SATB2: variants seen among roughly 807,000 people sequenced by gnomAD.
SATB2 encodes the protein SATB homeobox 2, also known as DNA-binding protein SATB2.
A neutral mutation model predicts 73.4 loss-of-function variants in SATB2; 1 was observed. The observed-to-expected ratio is 0.01, with a 90% confidence interval of 0.00 to 0.06. SATB2 has a LOEUF of 0.06. Ranked by LOEUF, SATB2 falls within the 10% of genes least tolerant of loss-of-function variation. SATB2 has a pLI of 1.00. For synonymous variants in SATB2, 397 were observed against 367.0 expected, an observed-to-expected ratio of 1.08 and a Z score of -0.93; for missense variants, 459 against 945.8, an observed-to-expected ratio of 0.49 and a Z score of 6.75.
intron 3 of SATB2, among the ~76,000 whole-genome samples, chr2:199,405,355 A>G (rs1012564122): frequency 2.0e-5 from 3 of 152,220 alleles, no homozygotes; most frequent in Admixed American, 1.3e-4. Flanking sequence ...ACTTGGGGAC[A>G]TGAGACTCCC....
chr2:199,331,631 T>C (rs1377501014), intron 7 of SATB2, among the ~76,000 whole-genome samples: 1 of 152,154 alleles, frequency 6.6e-6, no homozygotes, highest in African/African-American at 2.4e-5. Context: ...AGTTGTTTTG[T>C]TGAGTCTTTT....
chr2:199,465,326 GTATAA>G (rs1692572829), upstream of SATB2, among the ~76,000 whole-genome samples: 1 of 152,226 alleles, frequency 6.6e-6, no homozygotes. Flanking sequence ...CACAATACAA[GTATAA>G]TATAAGGGAG....
chr2:199,269,697 C>CA lies in SATB2; in HGVS notation c.*2513dup, dbSNP rs58333872. On this transcript the variant is annotated 3_prime_UTR_variant, in exon 11 of 11. Coordinates refer to ENST00000417098, the MANE Select transcript of SATB2 (RefSeq NM_001172509.2). ...AACACAATTTGTTTTTTTCATTTCA[C>CA]AAAAAAAAAAAAAGGCGGGAAATTG... is the stretch of plus-strand genomic sequence containing the variant. 0.18 allele frequency: 24,903 copies of CA among 141,288 alleles called. 2,893 individuals are homozygous for CA. Among genetic ancestry groups the CA allele is most frequent in the African/African-American group, 0.32 (12,352 of 38,474 alleles). 8.8% of individuals were successfully genotyped at this position (141,288 alleles called of 1,614,324 possible).
chr2:199,432,896 A>G (rs1004250022), intron 3 of SATB2, among the ~76,000 whole-genome samples: 12 of 152,248 alleles, frequency 7.9e-5, no homozygotes, highest in African/African-American at 2.9e-4. Flanking sequence ...TTTTCAAAGA[A>G]ACAAAAGGAT....
chr2:199,340,100 T>G (rs1264755102), intron 7 of SATB2, among the ~76,000 whole-genome samples: 3 of 152,240 alleles, frequency 2.0e-5, no homozygotes, highest in African/African-American at 7.2e-5. Context: ...TACTGTCAGC[T>G]TTCCTGATAC....
chr2:199,411,563 A>G (rs1690818281), intron 3 of SATB2, among the ~76,000 whole-genome samples: 1 of 152,202 alleles, frequency 6.6e-6, no homozygotes, highest in African/African-American at 2.4e-5. Flanking sequence ...TTACAGATAA[A>G]CTGAAGTTCA....
chr2:199,461,023 G>A (rs905770518), upstream of SATB2, among the ~76,000 whole-genome samples: 8 of 152,112 alleles, frequency 5.3e-5, no homozygotes, highest in African/African-American at 1.7e-4. Flanking sequence ...ATCATGTTAG[G>A]AAAAAGCCTA....
In SATB2 at chr2:199,358,972, TA is replaced by T. The variant is rs561146026; in HGVS notation, c.700+9632del. 2.0e-3 allele frequency among the ~76,000 whole-genome samples: 312 copies of T among 152,312 alleles called. 2 individuals carry two copies. The highest frequency in any genetic ancestry group is 6.8e-3 in the African/African-American group (283 of 41,572). The stretch of plus-strand genomic sequence containing the variant: ...TATTCCTATAACATTCTACATAGGT[TA>T]AAACTGCTTATATCTAATAATATCT... On this transcript the variant is annotated intron_variant, in intron 6 of 10. Transcript: ENST00000417098.
chr2:199,328,569 TAAGAA>T (rs1688097723), intron 8 of SATB2, 124 bp downstream of exon 8: 7 of 654,462 alleles, frequency 1.1e-5, no homozygotes, highest in Admixed American at 6.5e-5. Context: ...TAAAATAAAA[TAAGAA>T]AAGAAAAAAA....
At chr2:199,345,044 T>C (rs1688609799) in intron 7 of SATB2, among the ~76,000 whole-genome samples, 3 of 152,080 alleles carry the variant, frequency 2.0e-5, no homozygotes, top group South Asian at 4.1e-4. Flanking sequence ...ATGTCCTCTA[T>C]ACTCTCACTA....
intron 2 of SATB2, among the ~76,000 whole-genome samples, chr2:199,453,428 G>T (rs886525770): frequency 6.6e-6 from 1 of 151,916 alleles, no homozygotes; most frequent in Non-Finnish European, 1.5e-5. Flanking sequence ...AAATACTTGT[G>T]TAGTTATCTA....
intron 2 of SATB2, among the ~76,000 whole-genome samples, chr2:199,436,070 G>A (rs1211688961): frequency 1.3e-5 from 2 of 152,146 alleles, no homozygotes; most frequent in Admixed American, 6.5e-5. Context: ...CAACATCTGA[G>A]TGTCACACAT....
rs975650358 is a variant in SATB2 at position 199,368,494 on chromosome 2, G to T, written c.700+111C>A. 6 of 719,184 alleles carry T rather than the reference G, an allele frequency of 8.3e-6. No individual in the cohort carries two copies. The Admixed American group carries it at 1.1e-4, about 13-fold the overall frequency. The allele number at this position is 719,184 out of a possible 1,614,324, so 44.6% of individuals were successfully genotyped here. A position where few individuals can be genotyped will look rare whatever the true frequency, so the allele number is the denominator to read the frequency against. ...CAGGAATATTAAAGATCTCACCTTT[G>T]TAAAAAAATTACGTAAATTGTATCT... On this transcript the variant is annotated intron_variant, in intron 6 of 10. Coordinates refer to ENST00000417098, the MANE Select transcript of SATB2 (RefSeq NM_001172509.2).
chr2:199,446,183 G>A (rs999378356), intron 2 of SATB2, among the ~76,000 whole-genome samples: 2 of 152,088 alleles, frequency 1.3e-5, no homozygotes, highest in African/African-American at 4.8e-5. Context: ...AAGAAGAATA[G>A]CAACTGATTT....
rs537038777 is a variant in SATB2 at position 199,283,170 on chromosome 2, G to A, written c.1741-10498C>T. Among the ~76,000 whole-genome samples the A allele has an allele frequency of 5.4e-5, 8 of 148,382 alleles. No individual in the cohort carries two copies. In the South Asian group the frequency reaches 6.5e-4, roughly 12 times the overall value. On this transcript the variant is annotated intron_variant, in intron 10 of 10. Transcript: ENST00000417098. ...GCGATCTCGGCTCACTGCAAGCTCC[G>A]CCTCCTGGGTTCACGCCATTCTCCT...
chr2:199,456,154 T>G, intron 1 of SATB2, 58 bp from the exon 2 acceptor site: 3 of 964,742 alleles, frequency 3.1e-6, no homozygotes, highest in East Asian at 2.7e-5. Flanking sequence ...AAACCGCTCA[T>G]ACACGTGATA....
At chr2:199,443,763 A>C (rs1691888140) in intron 2 of SATB2, among the ~76,000 whole-genome samples, 1 of 152,194 alleles carries the variant, frequency 6.6e-6, no homozygotes, top group Non-Finnish European at 1.5e-5. Context: ...CAACAAATGC[A>C]TCCATCAAGA....
At chr2:199,418,645 TTAG>T (rs2105911407) in intron 3 of SATB2, among the ~76,000 whole-genome samples, 1 of 152,290 alleles carries the variant, frequency 6.6e-6, no homozygotes, top group Middle Eastern at 3.4e-3. Context: ...TTGATTTGGT[TTAG>T]TAAATTTTAA....
intron 10 of SATB2, among the ~76,000 whole-genome samples, chr2:199,305,475 G>A (rs1402172449): frequency 6.6e-6 from 1 of 152,104 alleles, no homozygotes; most frequent in Non-Finnish European, 1.5e-5. Flanking sequence ...TAATGAACCT[G>A]TACATGTACC....
Sources: allele counts gnomAD v4.1 joint callset (sites outside exome capture counted in the v4.1 genomes callset), GRCh38; gene constraint gnomAD v4.1.1; transcripts MANE v1.5; gene names NCBI Gene and HGNC (gene_info 2026-07-23, HGNC 2026-07-21).